Variants in GRID1 observed in about 807,000 individuals in gnomAD.
GRID1 encodes the protein glutamate receptor ionotropic, delta-1.
GRID1 carries 28 observed loss-of-function variants against 98.0 expected under a neutral mutation model. The observed-to-expected ratio is 0.29, with a 90% CI of 0.21 to 0.39. The LOEUF (loss-of-function observed/expected upper bound fraction) is 0.39, where lower values mean the gene tolerates loss of function less well. GRID1 is among the 10% of genes least tolerant of loss of function. The pLI is 1.00. For synonymous variants in GRID1, 553 were observed against 538.5 expected (o/e 1.03, Z -0.37); for missense variants, 1,111 against 1,340.5 (o/e 0.83, Z 2.67).
chr10:85,736,881 AGT>A (rs912070943), intron 8 of GRID1, among the ~76,000 whole-genome samples: 7 of 152,144 alleles, frequency 4.6e-5, no homozygotes, highest in African/African-American at 1.7e-4. Context: ...TTGGAAGGAG[AGT>A]GTGAACATCT....
intron 12 of GRID1, among the ~76,000 whole-genome samples, chr10:85,699,301 G>A (rs183036043): frequency 1.6e-4 from 24 of 152,114 alleles, no homozygotes; most frequent in Admixed American, 7.2e-4. Flanking sequence ...TGATCCTCCC[G>A]CCTCGGCCTC....
intron 3 of GRID1, among the ~76,000 whole-genome samples, chr10:86,171,583 C>G (rs1196495983): frequency 6.6e-6 from 1 of 152,178 alleles, no homozygotes; most frequent in Non-Finnish European, 1.5e-5. Context: ...AGAGGAGGTT[C>G]TGCAGAGGCA....
intron 8 of GRID1, among the ~76,000 whole-genome samples, chr10:85,805,080 T>A (rs1842611657): frequency 6.6e-6 from 1 of 151,288 alleles, no homozygotes; most frequent in Middle Eastern, 3.2e-3. Context: ...ATAAGAAAAA[T>A]ATACTAGAAT....
rs1193628528 is a variant in GRID1 at position 86,365,853 on chromosome 10, A to G, written c.79+461T>C. On this transcript the variant is annotated intron_variant, in intron 1 of 15. Coordinates refer to ENST00000327946, the MANE Select transcript of GRID1 (RefSeq NM_017551.3). This position sits in a 1 kb window ranked among gnomAD's most constrained non-coding sequence, Gnocchi z 4.8. ...GACACCGTGCCAGGCGCACACAGCG[A>G]CACACGCTGACAACACGCACCCACA... 1.3e-5 allele frequency among the ~76,000 whole-genome samples: 2 copies of G among 151,942 alleles called. No individual in the cohort carries two copies. The highest frequency in any genetic ancestry group is 4.8e-5 in the African/African-American group (2 of 41,372).
chr10:86,041,724 G>A (rs1219636285), intron 4 of GRID1, among the ~76,000 whole-genome samples: 1 of 152,216 alleles, frequency 6.6e-6, no homozygotes, highest in Non-Finnish European at 1.5e-5. Flanking sequence ...CAATGTGTGA[G>A]ACAGAACACT....
chr10:85,854,363 C>T (rs1474912299), intron 8 of GRID1, 133 bp downstream of exon 8: 6 of 801,420 alleles, frequency 7.5e-6, no homozygotes, highest in Non-Finnish European at 1.2e-5. Context: ...ATGGTAGCAT[C>T]AGCAGAGAGA....
chr10:86,180,446 C>T (rs989914196), intron 3 of GRID1, among the ~76,000 whole-genome samples: 5 of 152,180 alleles, frequency 3.3e-5, no homozygotes, highest in Admixed American at 6.5e-5. Flanking sequence ...ATACTGACCA[C>T]GTCCTAACCA....
intron 8 of GRID1, among the ~76,000 whole-genome samples, chr10:85,834,978 G>A (rs1484364943): frequency 6.6e-6 from 1 of 151,964 alleles, no homozygotes; most frequent in African/African-American, 2.4e-5. Context: ...ATAACATGGT[G>A]GGTTAATGTC....
chr10:86,001,411 G>A (rs1322797465), intron 4 of GRID1, among the ~76,000 whole-genome samples: 7 of 152,124 alleles, frequency 4.6e-5, no homozygotes, highest in Non-Finnish European at 2.9e-5. Context: ...AAGGAAGATT[G>A]ATAAGACATT....
intron 12 of GRID1, among the ~76,000 whole-genome samples, chr10:85,667,134 C>A (rs552871069): frequency 6.6e-6 from 1 of 152,172 alleles, no homozygotes; most frequent in South Asian, 2.1e-4. Context: ...TCGCTCTCTG[C>A]GGTTATGTGA....
intron 12 of GRID1, among the ~76,000 whole-genome samples, chr10:85,660,629 G>A (rs527616856): frequency 4.6e-5 from 7 of 151,880 alleles, no homozygotes; most frequent in Non-Finnish European, 1.0e-4. Context: ...AGCTGATCAC[G>A]TATGCCAGGC....
At chr10:85,608,975 C>T (rs1842703245) in intron 15 of GRID1, among the ~76,000 whole-genome samples, 1 of 152,122 alleles carries the variant, frequency 6.6e-6, no homozygotes, top group African/African-American at 2.4e-5. Context: ...AATGTGTAGC[C>T]AGAAGCCAGG....
chr10:86,333,879 G>A (rs1420906676), intron 2 of GRID1, among the ~76,000 whole-genome samples: 1 of 152,174 alleles, frequency 6.6e-6, no homozygotes, highest in Non-Finnish European at 1.5e-5. Flanking sequence ...AGGGTTGGGA[G>A]AGGAGAAAGA....
At chr10:86,086,941 T>C (rs1184867304) in intron 4 of GRID1, among the ~76,000 whole-genome samples, 1 of 152,206 alleles carries the variant, frequency 6.6e-6, no homozygotes, top group Non-Finnish European at 1.5e-5. Flanking sequence ...CTGAACTAAT[T>C]GCAAACTCAA....
chr10:85,701,582 C>G (rs540201990), intron 12 of GRID1, among the ~76,000 whole-genome samples: 1 of 152,134 alleles, frequency 6.6e-6, no homozygotes, highest in Non-Finnish European at 1.5e-5. Context: ...CAGGTTAAGA[C>G]TTGAAAGGGT....
intron 4 of GRID1, among the ~76,000 whole-genome samples, chr10:86,062,371 C>T (rs1041214628): frequency 1.3e-5 from 2 of 152,136 alleles, no homozygotes; most frequent in South Asian, 2.1e-4. Flanking sequence ...ACTCACCCCC[C>T]AGAGCACCCG....
At chr10:86,256,436 C>T (rs961276009) in intron 2 of GRID1, among the ~76,000 whole-genome samples, 3 of 152,146 alleles carry the variant, frequency 2.0e-5, no homozygotes, top group Non-Finnish European at 2.9e-5. Flanking sequence ...CTGCACTCCA[C>T]CCTGGGTGAC....
chr10:85,613,006 C>G (rs1027868978), intron 15 of GRID1: 1 of 173,194 alleles, frequency 5.8e-6, no homozygotes, highest in Non-Finnish European at 1.2e-5. Flanking sequence ...GCCCTGTGTC[C>G]CTTGGTGAGA....
At position 85,623,732 on chromosome 10, in the gene GRID1, G is replaced by A. The variant is rs569426805; in HGVS notation, c.2194-3699C>T. On this transcript the variant is annotated intron_variant, in intron 13 of 15. Coordinates refer to ENST00000327946, the MANE Select transcript of GRID1 (RefSeq NM_017551.3). ...CTTATCTAGCCTCTAGTTCTATCAG[G>A]AAAGCATGTCTACCCCTTTCTTGCC... Among the ~76,000 whole-genome samples, 98 of 152,302 alleles carry A rather than the reference G, an allele frequency of 6.4e-4. 1 individual carries two copies. The highest frequency in any genetic ancestry group is 1.4e-3 in the Admixed American group (22 of 15,298).
Sources: gnomAD v4.1 joint callset for allele counts (sites outside exome capture counted in the v4.1 genomes callset) on GRCh38, gnomAD v4.1.1 for gene constraint, Gnocchi (gnomAD v3.1) non-coding constraint, MANE v1.5 for transcripts, NCBI Gene and HGNC (gene_info 2026-07-23, HGNC 2026-07-21) for gene names.